THYN1: variants seen among roughly 807,000 people sequenced by gnomAD.
The protein encoded by THYN1 is thymocyte protein thy28.
Under a neutral mutation model 30.6 loss-of-function variants are expected in THYN1, and 32 were observed. The ratio of observed to expected loss-of-function variants is 1.05; its 90% CI spans 0.79 to 1.40. The LOEUF is 1.40. Among genes scored for constraint, THYN1 ranks in the 40% most tolerant of loss-of-function variants. THYN1 has a pLI of 0.00. For synonymous variants in THYN1, 107 were observed against 90.8 expected, an observed-to-expected ratio of 1.18 and a Z score of -1.01; for missense variants, 259 against 272.6, an observed-to-expected ratio of 0.95 and a Z score of 0.35.
rs375504006 is a variant in THYN1 at position 134,248,899 on chromosome 11, A to G, written c.541T>C (p.Tyr181His). 2.5e-6 allele frequency: 4 copies of G among 1,614,106 alleles called. No individual in the cohort carries two copies. Among genetic ancestry groups the G allele is most frequent in the African/African-American group, 2.7e-5 (2 of 74,944 alleles). ...RFIPLAELKSYHQAHKATGGP... is the reference protein window; with the variant it reads ...RFIPLAELKSHHQAHKATGGP... ...CCAGTAGCTTTGTGAGCTTGATGAT[A>G]GGATTTGAGCTCAGCCAGGGGAATG... Residue 181 changes from tyrosine to histidine, a missense_variant, in exon 6 of 7, where the codon TAT (tyrosine) becomes CAT (histidine). Coordinates refer to ENST00000341541, the MANE Select transcript of THYN1 (RefSeq NM_014174.3).
intron 1 of THYN1, among the ~76,000 whole-genome samples, chr11:134,252,621 CTT>C (rs988765339): frequency 6.6e-6 from 1 of 152,174 alleles, no homozygotes; most frequent in Non-Finnish European, 1.5e-5. Flanking sequence ...CTCAAAGAGT[CTT>C]TGTGCACAAC....
rs148585327 is a variant in THYN1 at position 134,251,262 on chromosome 11, C to T, written c.90G>A (p.Glu30=). ...TGGAGTCCTCCACTTTAGCTAATGC[C>T]TCACCTGAGTTCTCAGTTTTGGTGC... The part of the protein sequence containing the change: ...GKRTKTENSG[E]ALAKVEDSNP... The change falls in exon 2 of 7, where the codon GAG becomes GAA. Residue 30 remains glutamate (E), a synonymous_variant. Transcript: ENST00000341541. 6.8e-6 allele frequency: 11 copies of T among 1,613,894 alleles called. No homozygotes were observed. Among genetic ancestry groups the T allele is most frequent in the African/African-American group, 1.3e-5 (1 of 74,922 alleles).
At chr11:134,252,704 A>C (rs934042127) in intron 1 of THYN1, 136 bp downstream of exon 1, 2 of 965,342 alleles carry the variant, frequency 2.1e-6, no homozygotes, top group Non-Finnish European at 3.1e-6. Flanking sequence ...AAGAAGATGG[A>C]GAGTGATTAA....
chr11:134,248,617 G>A, intron 6 of THYN1, 133 bp from the exon 7 acceptor site: 1 of 1,360,818 alleles, frequency 7.3e-7, no homozygotes, highest in Non-Finnish European at 1.0e-6. Flanking sequence ...TATTTACCAG[G>A]TGCCAAGCAC....
At position 134,249,864 on chromosome 11, in the gene THYN1, G is replaced by A. The variant is rs1324905061; in HGVS notation, c.348C>T (p.Ser116=). 3 of 1,614,156 alleles carry A rather than the reference G, an allele frequency of 1.9e-6. No homozygotes were observed. The highest frequency in any genetic ancestry group is 1.7e-6 in the Non-Finnish European group (2 of 1,180,010). ...CTGCGATGCCTGGCTCTTTGCAGTT[G>A]CTATGGTAGAAGAAGGCTTCTTCTC... The part of the protein sequence containing the change: ...KLGEEAFFYH[S]NCKEPGIAGL... Residue 116 remains serine (S), a synonymous_variant, in exon 4 of 7, where the codon AGC becomes AGT. Transcript: ENST00000341541.
chr11:134,253,317 GA>G lies in THYN1; in HGVS notation c.-436del. On this transcript the variant is annotated 5_prime_UTR_variant, in exon 1 of 7. Transcript: ENST00000341541. ...TACAGACCCAACACTCTGCAGACTC[GA>G]CTGCGGTCCGCCTCCGCTGCGCCGC... The G allele has an allele frequency of 7.2e-7, 1 of 1,396,720 alleles. No individual in the cohort carries two copies. The highest frequency in any genetic ancestry group is 9.3e-7 in the Non-Finnish European group (1 of 1,076,034). 86.5% of individuals were successfully genotyped at this position (1,396,720 alleles called of 1,614,324 possible). A position where few individuals can be genotyped will look rare whatever the true frequency, so the allele number is the denominator to read the frequency against.
chr11:134,249,691 C>T, intron 4 of THYN1, 137 bp downstream of exon 4: 1 of 863,660 alleles, frequency 1.2e-6, no homozygotes, highest in South Asian at 1.7e-5. Flanking sequence ...GGCAGTTTTT[C>T]CCTATTCCTG....
chr11:134,253,019 G>A lies in THYN1; in HGVS notation c.-137C>T, dbSNP rs891646392. Reference sequence around the variant, plus strand: ...GCAGCCTAGAACGTCTCCAACTTTTGCGAAACACAGACGCCTACGTTTGAG... The same window carrying A: ...GCAGCCTAGAACGTCTCCAACTTTTACGAAACACAGACGCCTACGTTTGAG... On this transcript the variant is annotated 5_prime_UTR_variant, in exon 1 of 7. Transcript: ENST00000341541. The A allele has an allele frequency of 6.9e-6, 10 of 1,438,922 alleles. No homozygotes were observed. The highest frequency in any genetic ancestry group is 5.8e-5 in the Admixed American group (2 of 34,540). 89.1% of individuals were successfully genotyped at this position (1,438,922 alleles called of 1,614,324 possible). A position where few individuals can be genotyped will look rare whatever the true frequency, so the allele number is the denominator to read the frequency against.
intron 6 of THYN1, 102 bp downstream of exon 6, chr11:134,248,707 T>G (rs1938901358): frequency 3.9e-6 from 6 of 1,526,042 alleles, no homozygotes; most frequent in Non-Finnish European, 5.3e-6. Flanking sequence ...GGATGCTGAC[T>G]GAGAAAGGTG....
In THYN1 at chr11:134,248,849, G is replaced by A. The variant is rs200017797; in HGVS notation, c.591C>T (p.Leu197=). 217 of 1,614,226 alleles carry A rather than the reference G, an allele frequency of 1.3e-4. No homozygotes were observed. Among genetic ancestry groups the A allele is most frequent in the Non-Finnish European group, 1.7e-4 (200 of 1,180,050 alleles). Residue 197 remains leucine (L), a synonymous_variant, in exon 6 of 7, where the codon CTC becomes CTT. Coordinates refer to ENST00000341541, the MANE Select transcript of THYN1 (RefSeq NM_014174.3). ...GGATTGATAATCTCTGGCGAGTGAA[G>A]AGAACCATATTTTTTAAGGGGCCAC... ...ATGGPLKNMV[L]FTRQRLSIQP... is the part of the protein sequence containing the mutation.
chr11:134,252,364 A>C (rs1040126597), intron 1 of THYN1, among the ~76,000 whole-genome samples: 1 of 152,130 alleles, frequency 6.6e-6, no homozygotes, highest in African/African-American at 2.4e-5. Context: ...CTCCTCCTCC[A>C]TCCACTTAGA....
At chr11:134,249,776 A>C in intron 4 of THYN1, 52 bp downstream of exon 4, 1 of 1,556,344 alleles carries the variant, frequency 6.4e-7, no homozygotes, top group Non-Finnish European at 8.8e-7. Flanking sequence ...TATCTACTTA[A>C]GTTAGTCTCC....
chr11:134,248,645 T>C (rs1411553632), intron 6 of THYN1, among the ~76,000 whole-genome samples, 161 bp from the exon 7 acceptor site: 1 of 152,196 alleles, frequency 6.6e-6, no homozygotes, highest in Non-Finnish European at 1.5e-5. Flanking sequence ...TACTGGGTAA[T>C]AGTAACAGGT....
In THYN1 at chr11:134,248,480, C is replaced by G. The variant is rs550169661; in HGVS notation, c.636G>C (p.Glu212Asp). 6.2e-7 allele frequency: 1 copy of G among 1,612,164 alleles called. No individual in the cohort carries two copies. The highest frequency in any genetic ancestry group is 1.4e-5 in the African/African-American group (1 of 73,940). Residue 212 changes from glutamate (E) to aspartate (D), a missense_variant, in exon 7 of 7, where the codon GAG (glutamate) becomes GAC (aspartate). Coordinates refer to ENST00000341541, the MANE Select transcript of THYN1 (RefSeq NM_014174.3). ...CCTCCAGGCTCAAAACAAAATCAAA[C>G]TCTTCTACAAAAAAAAAAGGGAAAA... ...RLSIQPLTQE[E>D]FDFVLSLEEK...
At chr11:134,249,058 C>T in intron 5 of THYN1, 99 bp from the exon 6 acceptor site, 1 of 1,551,492 alleles carries the variant, frequency 6.4e-7, no homozygotes, top group African/African-American at 1.4e-5. Flanking sequence ...TCAGTATCAC[C>T]TCATCTGAGT....
At chr11:134,249,311 C>G in intron 4 of THYN1, 49 bp from the exon 5 acceptor site, 3 of 1,565,342 alleles carry the variant, frequency 1.9e-6, no homozygotes, top group Non-Finnish European at 2.6e-6. Context: ...GTCAGCTCCA[C>G]AGCCAATCTT....
intron 2 of THYN1, 120 bp from the exon 3 acceptor site, chr11:134,250,463 G>C: frequency 9.4e-7 from 1 of 1,067,926 alleles, no homozygotes; most frequent in Non-Finnish European, 1.4e-6. Flanking sequence ...GAGGAAGTAT[G>C]TAGTTCACCG....
intron 2 of THYN1, 115 bp from the exon 3 acceptor site, chr11:134,250,458 A>G: frequency 8.9e-7 from 1 of 1,125,504 alleles, no homozygotes; most frequent in Non-Finnish European, 1.3e-6. Flanking sequence ...CTATAGAGGA[A>G]GTATGTAGTT....
Position 134,249,876 on chromosome 11 carries a change from G to A in THYN1, c.336C>T (p.Phe112=). The part of the protein sequence containing the change: ...LRAMKLGEEA[F]FYHSNCKEPG... ...GCTCTTTGCAGTTGCTATGGTAGAA[G>A]AAGGCTTCTTCTCCCAGCTTCATGG... Residue 112 remains phenylalanine (F), a synonymous_variant, in exon 4 of 7, where the codon TTC becomes TTT. Coordinates refer to ENST00000341541, the MANE Select transcript of THYN1 (RefSeq NM_014174.3). The A allele has an allele frequency of 6.2e-7, 1 of 1,614,192 alleles. No homozygotes were observed. Among genetic ancestry groups the A allele is most frequent in the South Asian group, 1.1e-5 (1 of 91,082 alleles).
Sources: allele counts gnomAD v4.1 joint callset (sites outside exome capture counted in the v4.1 genomes callset), GRCh38; gene constraint gnomAD v4.1.1; transcripts MANE v1.5; gene names NCBI Gene and HGNC (gene_info 2026-07-23, HGNC 2026-07-21).